CTNND2: variants seen among roughly 807,000 people sequenced by gnomAD.
CTNND2 encodes catenin delta 2.
Under a neutral mutation model 144.4 loss-of-function variants are expected in CTNND2, and 22 were observed. The observed-to-expected ratio is 0.15, with a 90% CI of 0.11 to 0.22. The LOEUF (loss-of-function observed/expected upper bound fraction) is 0.22. Among genes scored for constraint, CTNND2 ranks in the 10% least tolerant of loss-of-function variants. The probability of loss-of-function intolerance (pLI) is 1.00; values close to 1 mark genes in which losing one functional copy is unlikely to be tolerated. For synonymous variants in CTNND2, 751 were observed against 695.6 expected (o/e 1.08, Z -1.25); for missense variants, 1,353 against 1,618.8 (o/e 0.84, Z 2.82).
At chr5:11,109,862 T>C (rs752340910) in intron 14 of CTNND2, among the ~76,000 whole-genome samples, 12 of 152,242 alleles carry the variant, frequency 7.9e-5, no homozygotes, top group Non-Finnish European at 1.5e-4. Flanking sequence ...ACATATATTT[T>C]GTACAGGCAA....
intron 9 of CTNND2, among the ~76,000 whole-genome samples, chr5:11,243,987 T>C (rs1742722460): frequency 6.6e-6 from 1 of 152,200 alleles, no homozygotes; most frequent in Non-Finnish European, 1.5e-5. Context: ...TTTTAATCCT[T>C]TAGAAACTCT....
At chr5:11,902,368 G>A (rs1281678818) in intron 1 of CTNND2, among the ~76,000 whole-genome samples, 2 of 152,158 alleles carry the variant, frequency 1.3e-5, no homozygotes, top group Admixed American at 6.6e-5. Flanking sequence ...AATAATGACA[G>A]GTTCACCGCC....
intron 17 of CTNND2, among the ~76,000 whole-genome samples, chr5:11,018,853 G>A (rs1192531409): frequency 6.6e-6 from 1 of 151,968 alleles, no homozygotes; most frequent in African/African-American, 2.4e-5. Flanking sequence ...TGGGATTACA[G>A]GCGTGTGCCA....
At chr5:11,378,982 T>C (rs1307231580) in intron 7 of CTNND2, among the ~76,000 whole-genome samples, 1 of 152,228 alleles carries the variant, frequency 6.6e-6, no homozygotes, top group Non-Finnish European at 1.5e-5. Flanking sequence ...AATTTTGATT[T>C]AAATCATTGG....
chr5:11,152,784 C>T lies in CTNND2; in HGVS notation c.2159+6792G>A, dbSNP rs145751627. On this transcript the variant is annotated intron_variant, in intron 12 of 21. Transcript: ENST00000304623. ...CGAAGAGGACTGTCACTGCTGAGAACTGACTCAATAAAATCACTTCACATC... is the reference window on the plus strand; with the variant it reads ...CGAAGAGGACTGTCACTGCTGAGAATTGACTCAATAAAATCACTTCACATC... Among the ~76,000 whole-genome samples, 576 of 152,310 alleles carry T rather than the reference C, an allele frequency of 3.8e-3. 2 individuals carry two copies. The highest frequency in any genetic ancestry group is 6.9e-3 in the African/African-American group (287 of 41,574).
At chr5:11,211,548 G>A (rs1195869930) in intron 10 of CTNND2, among the ~76,000 whole-genome samples, 1 of 152,210 alleles carries the variant, frequency 6.6e-6, no homozygotes, top group African/African-American at 2.4e-5. Context: ...GGAATCATGC[G>A]TGACTACGAT....
At chr5:11,276,931 G>A (rs948110022) in intron 9 of CTNND2, among the ~76,000 whole-genome samples, 5 of 152,194 alleles carry the variant, frequency 3.3e-5, no homozygotes, top group African/African-American at 1.2e-4. Flanking sequence ...TTCCAAGGGC[G>A]TGGGCCTGCT....
At chr5:11,629,546 A>G (rs1215912130) in intron 2 of CTNND2, among the ~76,000 whole-genome samples, 1 of 152,244 alleles carries the variant, frequency 6.6e-6, no homozygotes, top group African/African-American at 2.4e-5. Context: ...AGGAGAGATC[A>G]CGACATAAAC....
chr5:11,860,052 A>G (rs1795430787), intron 1 of CTNND2, among the ~76,000 whole-genome samples: 1 of 152,230 alleles, frequency 6.6e-6, no homozygotes, highest in African/African-American at 2.4e-5. Flanking sequence ...ATATTCATTC[A>G]TCATAACAAC....
chr5:11,574,258 T>C (rs1284475429), intron 2 of CTNND2, among the ~76,000 whole-genome samples: 2 of 152,156 alleles, frequency 1.3e-5, no homozygotes, highest in African/African-American at 4.8e-5. Context: ...TCATGTACCT[T>C]ATTCTGCTAA....
intron 1 of CTNND2, among the ~76,000 whole-genome samples, chr5:11,820,190 A>G (rs1156577199): frequency 6.6e-6 from 1 of 152,182 alleles, no homozygotes; most frequent in African/African-American, 2.4e-5. Flanking sequence ...GACACAGTCT[A>G]TGGGAGGCAA....
intron 2 of CTNND2, among the ~76,000 whole-genome samples, chr5:11,629,535 G>C (rs1036072015): frequency 6.6e-6 from 1 of 152,142 alleles, no homozygotes. Flanking sequence ...CCAGCAATTG[G>C]AGGAGAGATC....
chr5:11,151,457 T>C (rs1757751936), intron 12 of CTNND2, among the ~76,000 whole-genome samples: 2 of 152,240 alleles, frequency 1.3e-5, no homozygotes, highest in African/African-American at 4.8e-5. Context: ...TTAAACATCA[T>C]TTTAAACCAA....
At chr5:11,793,813 C>A (rs1488425772) in intron 1 of CTNND2, among the ~76,000 whole-genome samples, 1 of 152,214 alleles carries the variant, frequency 6.6e-6, no homozygotes, top group Non-Finnish European at 1.5e-5. Flanking sequence ...GTCTATCAAC[C>A]AATCACATTG....
At chr5:11,649,454 A>G (rs1327742627) in intron 2 of CTNND2, among the ~76,000 whole-genome samples, 1 of 152,148 alleles carries the variant, frequency 6.6e-6, no homozygotes, top group Admixed American at 6.6e-5. Flanking sequence ...AGTAGCTGGG[A>G]TTACAGGTGT....
intron 16 of CTNND2, among the ~76,000 whole-genome samples, chr5:11,033,226 G>A (rs990546974): frequency 2.0e-5 from 3 of 152,146 alleles, no homozygotes; most frequent in African/African-American, 4.8e-5. Flanking sequence ...AATCCACAAT[G>A]GACTTGACAA....
At chr5:11,314,425 A>T (rs111498132) in intron 9 of CTNND2, among the ~76,000 whole-genome samples, 2,215 of 152,230 alleles carry the variant, frequency 0.015, 49 homozygotes, top group African/African-American at 0.05. Context: ...ATCAGAGCTC[A>T]CTGCAGCCTC....
At chr5:11,522,391 C>T (rs981400587) in intron 3 of CTNND2, among the ~76,000 whole-genome samples, 1 of 152,212 alleles carries the variant, frequency 6.6e-6, no homozygotes, top group African/African-American at 2.4e-5. Context: ...TGTCAGTTCC[C>T]TTCCAGCTGT....
intron 1 of CTNND2, among the ~76,000 whole-genome samples, chr5:11,889,864 C>T (rs1427436830): frequency 6.6e-6 from 1 of 152,152 alleles, no homozygotes; most frequent in African/African-American, 2.4e-5. Context: ...ATGTTTTCAA[C>T]CTTTATCACT....
Sources: allele counts gnomAD v4.1 joint callset (sites outside exome capture counted in the v4.1 genomes callset), GRCh38; gene constraint gnomAD v4.1.1; transcripts MANE v1.5; gene names NCBI Gene and HGNC (gene_info 2026-07-23, HGNC 2026-07-21).